The following POLE2 variants were observed in gnomAD, a reference collection of about 807,000 sequenced individuals.
The protein encoded by POLE2 is DNA polymerase epsilon 2, accessory subunit, also known as DNA polymerase epsilon subunit 2.
In POLE2, 56 loss-of-function variants were observed where a neutral mutation model predicts 79.4. The observed-to-expected ratio is 0.71, with a 90% CI of 0.57 to 0.88. The LOEUF (loss-of-function observed/expected upper bound fraction) is 0.88, where lower values mean the gene tolerates loss of function less well. Among genes scored for constraint, POLE2 ranks in the 40% least tolerant of loss-of-function variants. POLE2 has a pLI of 0.00. For synonymous variants in POLE2, 212 were observed against 214.0 expected (o/e 0.99, Z 0.08); for missense variants, 598 against 638.9 (o/e 0.94, Z 0.69).
chr14:49,652,761 G>A (rs1884365189), intron 15 of POLE2, among the ~76,000 whole-genome samples: 2 of 151,960 alleles, frequency 1.3e-5, no homozygotes, highest in African/African-American at 4.8e-5. Flanking sequence ...ATGGTAAGTT[G>A]TATAATTGTT....
intron 5 of POLE2, among the ~76,000 whole-genome samples, 157 bp from the exon 6 acceptor site, chr14:49,669,755 CT>C (rs1344754823): frequency 2.6e-4 from 39 of 151,990 alleles, no homozygotes; most frequent in Non-Finnish European, 5.1e-4. Context: ...ATACAAATAT[CT>C]AGTAATGTAA....
chr14:49,672,042 C>T lies in POLE2; in HGVS notation c.417+2081G>A, dbSNP rs947939424. Among the ~76,000 whole-genome samples the T allele has an allele frequency of 4.6e-5, 7 of 152,200 alleles. No individual in the cohort carries two copies. The South Asian group carries it at 1.5e-3, about 32-fold the overall frequency. The stretch of plus-strand genomic sequence containing the variant: ...AAGGAGGAATCTGAGAAAAGCCTTC[C>T]AAAATAGGACGGTTTCAACAGTGGA... On this transcript the variant is annotated intron_variant, in intron 5 of 18. Coordinates refer to ENST00000216367, the MANE Select transcript of POLE2 (RefSeq NM_002692.4).
At chr14:49,655,184 T>C (rs1884564356) in intron 11 of POLE2, 90 bp from the exon 12 acceptor site, 2 of 408,988 alleles carry the variant, frequency 4.9e-6, no homozygotes, top group Non-Finnish European at 8.4e-6. Context: ...ATAATAAAAA[T>C]TTATTTTAAT....
chr14:49,659,282 C>T (rs1488805139), intron 10 of POLE2, among the ~76,000 whole-genome samples: 2 of 151,022 alleles, frequency 1.3e-5, no homozygotes, highest in Non-Finnish European at 2.9e-5. Context: ...TTTTAATTAG[C>T]AGTCTTAGCT....
At chr14:49,671,461 CA>C (rs113433806) in intron 5 of POLE2, among the ~76,000 whole-genome samples, 6 of 151,464 alleles carry the variant, frequency 4.0e-5, no homozygotes, top group Non-Finnish European at 1.5e-5. Flanking sequence ...ACTAAAAATA[CA>C]AAAAATTAGC....
At chr14:49,651,060 T>C (rs1411079235) in intron 16 of POLE2, among the ~76,000 whole-genome samples, 3 of 136,596 alleles carry the variant, frequency 2.2e-5, no homozygotes, top group Admixed American at 7.5e-5. Context: ...TCTCAGCTTT[T>C]CTCTGTCCTC....
intron 1 of POLE2, among the ~76,000 whole-genome samples, chr14:49,687,744 G>A (rs1046698514): frequency 2.6e-5 from 4 of 152,062 alleles, no homozygotes; most frequent in African/African-American, 9.7e-5. Flanking sequence ...TCTGTCGCCA[G>A]GATGGAGTAG....
At chr14:49,658,823 TAATA>T (rs1445466297) in intron 10 of POLE2, among the ~76,000 whole-genome samples, 1 of 152,190 alleles carries the variant, frequency 6.6e-6, no homozygotes, top group East Asian at 1.9e-4. Context: ...TTGATAACAA[TAATA>T]AATGACTATG....
At chr14:49,649,058 G>A (rs973016290) in intron 17 of POLE2, among the ~76,000 whole-genome samples, 1 of 143,896 alleles carries the variant, frequency 6.9e-6, no homozygotes, top group African/African-American at 2.6e-5. Flanking sequence ...ATAATATTTT[G>A]TTTGACATAA....
intron 13 of POLE2, 29 bp downstream of exon 13, chr14:49,654,754 GA>G: frequency 1.4e-6 from 2 of 1,456,494 alleles, no homozygotes; most frequent in Non-Finnish European, 9.0e-7. Context: ...GTAAAACGGT[GA>G]AAAAATATAT....
intron 18 of POLE2, among the ~76,000 whole-genome samples, chr14:49,644,703 T>C (rs1280027847): frequency 6.6e-6 from 1 of 151,924 alleles, no homozygotes; most frequent in Non-Finnish European, 1.5e-5. Flanking sequence ...TAAGTACAAA[T>C]ATTTAGATAT....
Position 49,650,293 on chromosome 14 carries a change from G to T in POLE2, c.1469C>A (p.Thr490Lys). 1.2e-6 allele frequency: 2 copies of T among 1,604,954 alleles called. No homozygotes were observed. The highest frequency in any genetic ancestry group is 1.7e-4 in the Middle Eastern group (1 of 6,034). Reference protein sequence around the residue: ...IADKYDPFTTTNTECLCINPG... With the variant: ...IADKYDPFTTKNTECLCINPG... ...GTTTATGCAGAGGCATTCGGTATTT[G>T]TCGTAGTGAAAGGATCATATTTGTC... is the stretch of plus-strand genomic sequence containing the variant. The change falls in exon 17 of 19, where the codon ACA (threonine) becomes AAA (lysine). Residue 490 changes from threonine to lysine, a missense_variant. Coordinates refer to ENST00000216367, the MANE Select transcript of POLE2 (RefSeq NM_002692.4).
chr14:49,687,733 C>G (rs1193252177), intron 1 of POLE2, among the ~76,000 whole-genome samples: 1 of 152,036 alleles, frequency 6.6e-6, no homozygotes, highest in Admixed American at 6.6e-5. Context: ...TGGAGTCTCT[C>G]TCTGTCGCCA....
At chr14:49,670,587 G>A (rs1885816252) in intron 5 of POLE2, among the ~76,000 whole-genome samples, 1 of 152,058 alleles carries the variant, frequency 6.6e-6, no homozygotes, top group African/African-American at 2.4e-5. Flanking sequence ...CCATCCTTTG[G>A]CCAGTGATTG....
chr14:49,669,317 T>C (rs1885707300), intron 6 of POLE2, among the ~76,000 whole-genome samples: 1 of 152,172 alleles, frequency 6.6e-6, no homozygotes, highest in African/African-American at 2.4e-5. Flanking sequence ...CAGGGCCTTC[T>C]CAAAGGAAGC....
chr14:49,661,411 G>T (rs1885092633), intron 10 of POLE2, among the ~76,000 whole-genome samples: 1 of 152,128 alleles, frequency 6.6e-6, no homozygotes, highest in African/African-American at 2.4e-5. Context: ...GTTGCTAGAG[G>T]AATGCAGTAA....
intron 15 of POLE2, 70 bp downstream of exon 15, chr14:49,653,920 C>A: frequency 1.1e-6 from 1 of 879,350 alleles, no homozygotes; most frequent in South Asian, 1.6e-5. Context: ...AGATTACAGA[C>A]ATGAGCCACC....
chr14:49,687,163 T>C (rs1432706650), intron 1 of POLE2, among the ~76,000 whole-genome samples: 1 of 151,610 alleles, frequency 6.6e-6, no homozygotes, highest in African/African-American at 2.4e-5. Context: ...TGGTGGCCCA[T>C]GCCTGCAGTC....
At chr14:49,665,874 T>C (rs999484313) in intron 7 of POLE2, among the ~76,000 whole-genome samples, 1 of 152,172 alleles carries the variant, frequency 6.6e-6, no homozygotes, top group African/African-American at 2.4e-5. Flanking sequence ...TTGCCCAGGC[T>C]ACAGTGCAAT....
Sources: gnomAD v4.1 joint callset for allele counts (sites outside exome capture counted in the v4.1 genomes callset) on GRCh38, gnomAD v4.1.1 for gene constraint, MANE v1.5 for transcripts, NCBI Gene and HGNC (gene_info 2026-07-23, HGNC 2026-07-21) for gene names.